VGLL3: variants seen among roughly 807,000 people sequenced by gnomAD.
The protein encoded by VGLL3 is vestigial like family member 3.
VGLL3 carries 18 observed loss-of-function variants against 29.2 expected under a neutral mutation model. The observed-to-expected ratio is 0.62, with a 90% CI of 0.43 to 0.91. VGLL3 has a LOEUF of 0.91. VGLL3 is among the 40% of genes least tolerant of loss of function. The pLI, the probability that VGLL3 is intolerant of heterozygous loss-of-function variation, is 0.00. For synonymous variants in VGLL3, 180 were observed against 151.8 expected (o/e 1.19, Z -1.36); for missense variants, 440 against 413.2 (o/e 1.06, Z -0.56).
At chr3:86,963,011 G>C (rs1704887252) in intron 3 of VGLL3, 2 of 241,466 alleles carry the variant, frequency 8.3e-6, no homozygotes, top group Non-Finnish European at 1.8e-5. Context: ...AGGACAATTG[G>C]TTGAACTCGG....
chr3:86,969,712 TTTATTTA>T (rs1237992253), intron 2 of VGLL3, among the ~76,000 whole-genome samples: 3 of 151,162 alleles, frequency 2.0e-5, no homozygotes, highest in Non-Finnish European at 2.9e-5. Context: ...TATTTATTTA[TTTATTTA>T]TTTTCTGTGG....
At chr3:86,977,769 GT>G (rs1371849306) in intron 2 of VGLL3, among the ~76,000 whole-genome samples, 1 of 152,162 alleles carries the variant, frequency 6.6e-6, no homozygotes, top group Non-Finnish European at 1.5e-5. Context: ...CTATAACCAG[GT>G]GAATTTGGAA....
In VGLL3 at chr3:86,946,318, A is replaced by G. The variant is rs1470723935; in HGVS notation, c.*706T>C. Reference sequence around the variant, plus strand: ...CTTTTCAAGCTATACATATAATTCAAAACTAATTGAGCTAGCATGGAATTA... The same window carrying G: ...CTTTTCAAGCTATACATATAATTCAGAACTAATTGAGCTAGCATGGAATTA... On this transcript the variant is annotated 3_prime_UTR_variant, in exon 4 of 4. Coordinates refer to ENST00000398399, the MANE Select transcript of VGLL3 (RefSeq NM_016206.4). 1 of 152,184 alleles carries G rather than the reference A, an allele frequency of 6.6e-6. No homozygotes were observed. Among genetic ancestry groups the G allele is most frequent in the Non-Finnish European group, 1.5e-5 (1 of 68,030 alleles). The allele number at this position is 152,184 out of a possible 1,614,324, so 9.4% of individuals were successfully genotyped here.
At chr3:86,954,258 T>C (rs1339308728) in intron 3 of VGLL3, among the ~76,000 whole-genome samples, 1 of 152,208 alleles carries the variant, frequency 6.6e-6, no homozygotes, top group Non-Finnish European at 1.5e-5. Flanking sequence ...TAATCCACTA[T>C]GTTATTTTAA....
At chr3:86,976,876 T>C (rs1369344255) in intron 2 of VGLL3, among the ~76,000 whole-genome samples, 1 of 152,222 alleles carries the variant, frequency 6.6e-6, no homozygotes. Context: ...ATTATCTTAA[T>C]AGGATTCATT....
chr3:86,965,159 GAA>G (rs558718976), intron 3 of VGLL3, among the ~76,000 whole-genome samples: 10 of 111,338 alleles, frequency 9.0e-5, no homozygotes, highest in African/African-American at 2.7e-4. Context: ...TCCATCAAAA[GAA>G]AAAAAAAAAA....
intron 2 of VGLL3, among the ~76,000 whole-genome samples, chr3:86,973,681 C>G (rs1344934154): frequency 6.6e-6 from 1 of 152,146 alleles, no homozygotes; most frequent in Non-Finnish European, 1.5e-5. Flanking sequence ...TATGGACATT[C>G]TGTTCATTTC....
In VGLL3 at chr3:86,961,707, C is replaced by G. The variant is rs902397093; in HGVS notation, c.937+6883G>C. Among the ~76,000 whole-genome samples, 3 of 152,270 alleles carry G rather than the reference C, an allele frequency of 2.0e-5. No individual in the cohort carries two copies. In the South Asian group the frequency reaches 6.2e-4, roughly 32 times the overall value. On this transcript the variant is annotated intron_variant, in intron 3 of 3. Coordinates refer to ENST00000398399, the MANE Select transcript of VGLL3 (RefSeq NM_016206.4). ...ACCCTCCCTTATTCATTGTACTATT[C>G]TAGGTGTTATCTCTGGCCCCAACTA... is the stretch of plus-strand genomic sequence containing the variant.
intron 3 of VGLL3, among the ~76,000 whole-genome samples, chr3:86,950,719 A>C (rs537896559): frequency 6.6e-6 from 1 of 152,330 alleles, no homozygotes; most frequent in Non-Finnish European, 1.5e-5. Context: ...GTAGTAGGTT[A>C]CACTTTTGAT....
At chr3:86,988,690 AAG>A (rs1456679170) in intron 1 of VGLL3, among the ~76,000 whole-genome samples, 9,294 of 36,950 alleles carry the variant, frequency 0.25, 1,349 homozygotes, top group East Asian at 0.35. Context: ...AAAAAAGAAG[AAG>A]AAGAAGGAGA....
intron 1 of VGLL3, among the ~76,000 whole-genome samples, chr3:86,979,619 T>A (rs1383200949): frequency 1.3e-5 from 2 of 152,176 alleles, no homozygotes; most frequent in African/African-American, 4.8e-5. Flanking sequence ...CCTCACTTAA[T>A]CTTTACAATT....
At chr3:86,953,258 C>T (rs760141379) in intron 3 of VGLL3, among the ~76,000 whole-genome samples, 1 of 152,172 alleles carries the variant, frequency 6.6e-6, no homozygotes, top group African/African-American at 2.4e-5. Flanking sequence ...CATATATACA[C>T]ATACCACTTG....
intron 1 of VGLL3, among the ~76,000 whole-genome samples, chr3:86,979,459 T>C (rs1705278179): frequency 6.6e-6 from 1 of 152,200 alleles, no homozygotes; most frequent in Non-Finnish European, 1.5e-5. Context: ...GATTTCATTA[T>C]GGCTTAGTGA....
At position 86,946,229 on chromosome 3, in the gene VGLL3, T is replaced by A. The variant is rs1169077872; in HGVS notation, c.*795A>T. The A allele has an allele frequency of 6.6e-6, 1 of 152,086 alleles. No homozygotes were observed. Among genetic ancestry groups the A allele is most frequent in the Non-Finnish European group, 1.5e-5 (1 of 68,000 alleles). 9.4% of individuals were successfully genotyped at this position (152,086 alleles called of 1,614,324 possible). A position where few individuals can be genotyped will look rare whatever the true frequency, so the allele number is the denominator to read the frequency against. ...ACTTTCTTATTAGTCAACCTCCAAGTTATTCTTTGGGAGAAATCAAAGCAA... is the reference window on the plus strand; with the variant it reads ...ACTTTCTTATTAGTCAACCTCCAAGATATTCTTTGGGAGAAATCAAAGCAA... On this transcript the variant is annotated 3_prime_UTR_variant, in exon 4 of 4. Transcript: ENST00000398399.
intron 3 of VGLL3, among the ~76,000 whole-genome samples, chr3:86,953,750 A>G (rs1704660904): frequency 6.6e-6 from 1 of 152,134 alleles, no homozygotes. Flanking sequence ...TTTAAAAAGT[A>G]ATTTTCTAGT....
chr3:86,972,572 A>T (rs565995467), intron 2 of VGLL3, among the ~76,000 whole-genome samples: 13 of 152,280 alleles, frequency 8.5e-5, no homozygotes, highest in South Asian at 2.1e-4. Context: ...TATGTATGTA[A>T]ATTTTTTTCA....
Position 86,978,731 on chromosome 3 carries a change from C to A in VGLL3, c.198G>T (p.Glu66Asp). ...EVTLPSKQEE[E>D]DEEEEEEEKD... ...TCTCCTCCTCCTCCTCCTCCTCATC[C>A]TCCTCCTCTTGTTTGCTGGGAAGGG... Residue 66 changes from glutamate (E) to aspartate (D), a missense_variant, in exon 2 of 4, where the codon GAG becomes GAT. By Grantham distance (45) the Glu-to-Asp change is conservative. Coordinates refer to ENST00000398399, the MANE Select transcript of VGLL3 (RefSeq NM_016206.4). 6.2e-7 allele frequency: 1 copy of A among 1,613,710 alleles called. No homozygotes were observed. The highest frequency in any genetic ancestry group is 8.5e-7 in the Non-Finnish European group (1 of 1,179,914).
rs1215732153 is a variant in VGLL3, at chr3:86,968,943, G to A, written c.584C>T (p.Thr195Ile). 1.2e-6 allele frequency: 2 copies of A among 1,614,050 alleles called. No individual in the cohort carries two copies. Among genetic ancestry groups the A allele is most frequent in the East Asian group, 2.2e-5 (1 of 44,876 alleles). ...SPWPGHNLHQ[T>I]GPAPPPAVSE... ...CACAGCAGGGGGAGGGGCTGGGCCAGTCTGATGCAGGTTGTGTCCCGGCCA... is the reference window on the plus strand; with the variant it reads ...CACAGCAGGGGGAGGGGCTGGGCCAATCTGATGCAGGTTGTGTCCCGGCCA... The change falls in exon 3 of 4, where the codon ACT (threonine) becomes ATT (isoleucine). Residue 195 changes from threonine to isoleucine, a missense_variant. Transcript: ENST00000398399.
At chr3:86,982,980 A>C (rs761919773) in intron 1 of VGLL3, among the ~76,000 whole-genome samples, 19 of 152,174 alleles carry the variant, frequency 1.2e-4, no homozygotes, top group Non-Finnish European at 2.5e-4. Flanking sequence ...ACCATATCCA[A>C]CCACCACACT....
Sources: allele counts gnomAD v4.1 joint callset (sites outside exome capture counted in the v4.1 genomes callset), GRCh38; gene constraint gnomAD v4.1.1; transcripts MANE v1.5; gene names NCBI Gene and HGNC (gene_info 2026-07-23, HGNC 2026-07-21).